COPG2: variants seen among roughly 807,000 people sequenced by gnomAD.
COPG2 encodes the protein coat protein complex I subunit gamma 2.
A neutral mutation model predicts 46.3 loss-of-function variants in COPG2; 37 were observed. The ratio of observed to expected loss-of-function variants is 0.80; its 90% CI spans 0.61 to 1.05. COPG2 has a LOEUF of 1.05. Ranked by LOEUF, COPG2 falls within the 50% of genes least tolerant of loss-of-function variation. COPG2 has a pLI of 0.00. For missense variants in COPG2, 427 were observed against 387.8 expected, an observed-to-expected ratio of 1.10 and a Z score of -0.85; for synonymous variants, 159 against 129.7, an observed-to-expected ratio of 1.23 and a Z score of -1.53.
chr7:130,626,321 G>C (rs1376128917), intron 5 of COPG2, among the ~76,000 whole-genome samples: 1 of 150,868 alleles, frequency 6.6e-6, no homozygotes, highest in Admixed American at 6.6e-5. Context: ...CCTGACCAGA[G>C]ACATGCCAGC....
At chr7:130,566,029 A>C (rs954422795) in intron 9 of COPG2, among the ~76,000 whole-genome samples, 158 of 152,332 alleles carry the variant, frequency 1.0e-3, no homozygotes, top group African/African-American at 3.5e-3. Flanking sequence ...GAACATAAGA[A>C]GAAACCATGG....
At chr7:130,578,029 T>A (rs1476720688) in intron 9 of COPG2, among the ~76,000 whole-genome samples, 4 of 152,234 alleles carry the variant, frequency 2.6e-5, no homozygotes, top group Admixed American at 1.3e-4. Context: ...CTCTGTAGGC[T>A]CCACCTCTGG....
chr7:130,667,677 G>A, intron 1 of COPG2, 143 bp from the exon 2 acceptor site: 1 of 527,534 alleles, frequency 1.9e-6, no homozygotes, highest in Admixed American at 3.6e-5. Flanking sequence ...CATACGAACT[G>A]AATGAAATCA....
chr7:130,646,945 A>G (rs1554458283), intron 5 of COPG2, among the ~76,000 whole-genome samples: 14 of 101,376 alleles, frequency 1.4e-4, no homozygotes, highest in Admixed American at 2.7e-4. Flanking sequence ...ATATATACGT[A>G]TATATATATA....
intron 4 of COPG2, among the ~76,000 whole-genome samples, chr7:130,653,750 G>A (rs1274872729): frequency 6.6e-6 from 1 of 152,204 alleles, no homozygotes; most frequent in Admixed American, 6.5e-5. Context: ...AAATACATCA[G>A]ACGCAGCTCC....
intron 9 of COPG2, among the ~76,000 whole-genome samples, chr7:130,568,362 C>T (rs1185538527): frequency 1.3e-5 from 2 of 151,954 alleles, no homozygotes; most frequent in African/African-American, 4.8e-5. Flanking sequence ...GGTAAAGGGG[C>T]GGAAAAAGGT....
chr7:130,537,125 G>A (rs1280142978), intron 20 of COPG2, among the ~76,000 whole-genome samples: 5 of 152,086 alleles, frequency 3.3e-5, no homozygotes, highest in African/African-American at 9.7e-5. Context: ...AGTGGGACAC[G>A]AATGAGTGAC....
At chr7:130,644,581 C>T (rs1383153414) in intron 5 of COPG2, among the ~76,000 whole-genome samples, 1 of 152,138 alleles carries the variant, frequency 6.6e-6, no homozygotes, top group African/African-American at 2.4e-5. Context: ...TTGGTATAGT[C>T]CTTTGGCGAG....
intron 5 of COPG2, among the ~76,000 whole-genome samples, chr7:130,629,395 T>C (rs577296399): frequency 4.4e-5 from 6 of 135,600 alleles, no homozygotes; most frequent in South Asian, 2.5e-4. Context: ...TTATTATTAT[T>C]ATCATTTTTT....
intron 20 of COPG2, among the ~76,000 whole-genome samples, chr7:130,518,173 G>A (rs987523469): frequency 3.0e-4 from 45 of 152,344 alleles, no homozygotes; most frequent in African/African-American, 9.1e-4. Context: ...TCTTGGAAGG[G>A]AGAGAGGTAA....
chr7:130,649,856 C>T (rs1584609367), intron 5 of COPG2, among the ~76,000 whole-genome samples: 2 of 152,256 alleles, frequency 1.3e-5, no homozygotes, highest in South Asian at 4.1e-4. Context: ...CTTCCAGGTA[C>T]CAAAATCTGC....
At chr7:130,534,038 AG>A (rs1485568568) in intron 20 of COPG2, among the ~76,000 whole-genome samples, 1 of 151,926 alleles carries the variant, frequency 6.6e-6, no homozygotes, top group Non-Finnish European at 1.5e-5. Context: ...CATGGAAAAC[AG>A]GAAGATGGAA....
At position 130,506,813 on chromosome 7, in the gene COPG2, G is replaced by GA; in HGVS notation, c.2486-8dup. On this transcript the variant is annotated splice_region_variant and splice_polypyrimidine_tract_variant and intron_variant, in intron 23 of 23. Coordinates refer to ENST00000425248, the MANE Select transcript of COPG2 (RefSeq NM_012133.6). ...TAGCCACCTCTGAATATACCTGAGA[G>GA]AAAAAAGTAAGGAAAACCATATTAA... 1.3e-6 allele frequency: 1 copy of GA among 765,846 alleles called. No individual in the cohort carries two copies. The highest frequency in any genetic ancestry group is 1.4e-5 in the South Asian group (1 of 71,560). 47.4% of individuals were successfully genotyped at this position (765,846 alleles called of 1,614,324 possible).
intron 5 of COPG2, among the ~76,000 whole-genome samples, chr7:130,650,027 A>C (rs1795705596): frequency 6.6e-6 from 1 of 152,182 alleles, no homozygotes; most frequent in Non-Finnish European, 1.5e-5. Flanking sequence ...CGGAGGCTAG[A>C]AGGGTGAATC....
At chr7:130,668,537 A>ACGCCCCCAGCCC in intron 1 of COPG2, 95 bp downstream of exon 1, 1 of 1,182,990 alleles carries the variant, frequency 8.5e-7, no homozygotes, top group South Asian at 1.9e-5. Flanking sequence ...GGCGGCGCCC[A>ACGCCCCCAGCCC]CGCCCCCAGC....
intron 9 of COPG2, among the ~76,000 whole-genome samples, chr7:130,582,721 T>C (rs1488353953): frequency 6.6e-6 from 1 of 151,006 alleles, no homozygotes; most frequent in Non-Finnish European, 1.5e-5. Flanking sequence ...AGAAGACATT[T>C]ATGCAGCCAA....
intron 21 of COPG2, 108 bp from the exon 22 acceptor site, chr7:130,507,931 A>G: frequency 1.5e-6 from 1 of 682,778 alleles, no homozygotes; most frequent in Non-Finnish European, 2.7e-6. Context: ...CTCTACCACC[A>G]AAATAGTTTA....
At chr7:130,568,497 A>C (rs1212153080) in intron 9 of COPG2, among the ~76,000 whole-genome samples, 2 of 152,240 alleles carry the variant, frequency 1.3e-5, no homozygotes, top group Non-Finnish European at 2.9e-5. Context: ...GCACTAGTCC[A>C]ACAGGAAAAT....
chr7:130,643,408 T>C (rs1554457628), intron 5 of COPG2, among the ~76,000 whole-genome samples: 1 of 152,200 alleles, frequency 6.6e-6, no homozygotes, highest in African/African-American at 2.4e-5. Context: ...CCTAAACAAT[T>C]GAAGTTGCTG....
Sources: gnomAD v4.1 joint callset for allele counts (sites outside exome capture counted in the v4.1 genomes callset) on GRCh38, gnomAD v4.1.1 for gene constraint, MANE v1.5 for transcripts, NCBI Gene and HGNC (gene_info 2026-07-23, HGNC 2026-07-21) for gene names.